The following SEPTIN10 variants were observed in gnomAD, a reference collection of about 807,000 sequenced individuals.
The protein encoded by SEPTIN10 is septin-10.
A neutral mutation model predicts 54.8 loss-of-function variants in SEPTIN10; 66 were observed. That is an observed-to-expected ratio of 1.21 (90% CI 0.99 to 1.48). The LOEUF is 1.48. Ranked by LOEUF, SEPTIN10 falls within the 40% of genes most tolerant of loss-of-function variation. The pLI is 0.00. For missense variants in SEPTIN10, 620 were observed against 545.6 expected (o/e 1.14, Z -1.36); for synonymous variants, 161 against 181.0 (o/e 0.89, Z 0.89).
intron 1 of SEPTIN10, among the ~76,000 whole-genome samples, chr2:109,606,476 C>T (rs964843986): frequency 6.6e-6 from 1 of 152,086 alleles, no homozygotes; most frequent in Non-Finnish European, 1.5e-5. Flanking sequence ...ATGGTGAATG[C>T]ACTTCAGCAT....
intron 9 of SEPTIN10, among the ~76,000 whole-genome samples, chr2:109,552,021 A>G (rs771324182): frequency 2.0e-5 from 3 of 152,202 alleles, no homozygotes; most frequent in Non-Finnish European, 4.4e-5. Context: ...GTGGCGGGCA[A>G]ACAAGCATTA....
chr2:109,568,012 G>A (rs771081406), intron 5 of SEPTIN10, 36 bp from the exon 6 acceptor site: 15 of 1,490,452 alleles, frequency 1.0e-5, no homozygotes, highest in Non-Finnish European at 1.3e-5. Flanking sequence ...TCTTACTGAG[G>A]ATTTTTTTTT....
At chr2:109,581,984 C>T (rs1184726316) in intron 4 of SEPTIN10, among the ~76,000 whole-genome samples, 2 of 151,904 alleles carry the variant, frequency 1.3e-5, no homozygotes, top group African/African-American at 4.8e-5. Flanking sequence ...TTTCAAGATG[C>T]AAAACCAATG....
At chr2:109,607,212 TAGTA>T (rs2106298128) in intron 1 of SEPTIN10, among the ~76,000 whole-genome samples, 1 of 152,330 alleles carries the variant, frequency 6.6e-6, no homozygotes, top group Non-Finnish European at 1.5e-5. Context: ...AAATTCATAT[TAGTA>T]AGCTGCTTGG....
At chr2:109,548,224 C>T (rs980609835) in intron 9 of SEPTIN10, among the ~76,000 whole-genome samples, 11 of 151,878 alleles carry the variant, frequency 7.2e-5, no homozygotes, top group Admixed American at 3.3e-4. Flanking sequence ...TAGGAATCAG[C>T]TGTGTGCTGT....
rs780587213 is a variant in SEPTIN10, at chr2:109,553,190, T to G, written c.1058A>C (p.His353Pro). The change falls in exon 9 of 11, where the codon CAT (histidine) becomes CCT (proline). Residue 353 changes from histidine to proline, a missense_variant. By Grantham distance (77) the His-to-Pro change is moderately conservative. Coordinates refer to ENST00000397712, the MANE Select transcript of SEPTIN10 (RefSeq NM_144710.5). ...CCTCTGACGTTCACCATGGAACTCATGTCTTTTGGCTTCATAGGTCTCTTG... is the reference window on the plus strand; with the variant it reads ...CCTCTGACGTTCACCATGGAACTCAGGTCTTTTGGCTTCATAGGTCTCTTG... ...SVQETYEAKRHEFHGERQRKE... is the reference protein window; with the variant it reads ...SVQETYEAKRPEFHGERQRKE... 5.0e-6 allele frequency: 8 copies of G among 1,614,074 alleles called. No individual in the cohort carries two copies. Among genetic ancestry groups the G allele is most frequent in the Non-Finnish European group, 6.8e-6 (8 of 1,180,034 alleles).
At chr2:109,583,294 T>C (rs948709149) in intron 4 of SEPTIN10, among the ~76,000 whole-genome samples, 3 of 152,132 alleles carry the variant, frequency 2.0e-5, no homozygotes, top group Admixed American at 2.0e-4. Flanking sequence ...AGCCAGAATC[T>C]GTAAGAAACT....
At chr2:109,591,413 A>G (rs979987703) in intron 2 of SEPTIN10, among the ~76,000 whole-genome samples, 1 of 152,206 alleles carries the variant, frequency 6.6e-6, no homozygotes, top group African/African-American at 2.4e-5. Context: ...ACCAAGCAAC[A>G]GCCACTGGAT....
rs186509010 is a variant in SEPTIN10 at position 109,553,053 on chromosome 2, A to G, written c.1161+34T>C. 565 of 1,594,334 alleles carry G rather than the reference A, an allele frequency of 3.5e-4. 7 individuals carry two copies. In the East Asian group the frequency reaches 8.8e-3, roughly 25 times the overall value. On this transcript the variant is annotated intron_variant, in intron 9 of 10. Transcript: ENST00000397712. ...TCCAAATTAATAGGACATCTAAAAA[A>G]TAAATGCAAATCACATCAAACCAGC...
intron 2 of SEPTIN10, among the ~76,000 whole-genome samples, chr2:109,591,850 T>C (rs183574151): frequency 5.7e-4 from 86 of 152,050 alleles, no homozygotes; most frequent in African/African-American, 1.9e-3. Context: ...TGAGCCGAGA[T>C]TGCACCACTG....
At chr2:109,554,288 T>C (rs1471268116) in intron 8 of SEPTIN10, among the ~76,000 whole-genome samples, 2 of 152,180 alleles carry the variant, frequency 1.3e-5, no homozygotes, top group East Asian at 1.9e-4. Flanking sequence ...ATAACAAATA[T>C]GGCAGGGTTA....
chr2:109,603,312 G>A (rs1459629425), intron 1 of SEPTIN10, among the ~76,000 whole-genome samples: 3 of 151,714 alleles, frequency 2.0e-5, no homozygotes, highest in Admixed American at 6.6e-5. Context: ...TCGGCTCACT[G>A]CAAGCCCCAC....
Position 109,565,733 on chromosome 2 carries a change from A to G in SEPTIN10, c.859+30T>C, listed in dbSNP as rs116719735. 1.6e-3 allele frequency: 2,469 copies of G among 1,552,314 alleles called. 32 individuals carry two copies. The African/African-American group carries it at 0.028, about 17-fold the overall frequency. On this transcript the variant is annotated intron_variant, in intron 7 of 10. Coordinates refer to ENST00000397712, the MANE Select transcript of SEPTIN10 (RefSeq NM_144710.5). Reference sequence around the variant, plus strand: ...AGCTTTGAGATTACTAGATAGATACATATTTCTAGTCATCCTTTGTCTCAT... The same window carrying G: ...AGCTTTGAGATTACTAGATAGATACGTATTTCTAGTCATCCTTTGTCTCAT...
chr2:109,606,177 G>A (rs1047408397), intron 1 of SEPTIN10, among the ~76,000 whole-genome samples: 1 of 152,178 alleles, frequency 6.6e-6, no homozygotes, highest in Non-Finnish European at 1.5e-5. Context: ...AGCACTTTGG[G>A]AGACCAAGGA....
intron 9 of SEPTIN10, among the ~76,000 whole-genome samples, chr2:109,549,670 C>T (rs186843092): frequency 4.0e-4 from 61 of 152,276 alleles, no homozygotes; most frequent in Admixed American, 3.3e-3. Flanking sequence ...CCCTTTTCCA[C>T]GGGGGATACA....
intron 5 of SEPTIN10, among the ~76,000 whole-genome samples, chr2:109,573,469 T>G (rs1395390241): frequency 6.6e-6 from 1 of 152,208 alleles, no homozygotes; most frequent in Non-Finnish European, 1.5e-5. Flanking sequence ...TCACATGTGA[T>G]CAGGTGAACA....
intron 4 of SEPTIN10, among the ~76,000 whole-genome samples, 176 bp from the exon 5 acceptor site, chr2:109,574,943 A>G (rs1221599352): frequency 1.3e-5 from 2 of 152,228 alleles, no homozygotes; most frequent in Non-Finnish European, 2.9e-5. Context: ...AAAGCTATAC[A>G]AATGCTTCTC....
At chr2:109,593,975 C>T (rs1694699178) in intron 1 of SEPTIN10, among the ~76,000 whole-genome samples, 1 of 152,154 alleles carries the variant, frequency 6.6e-6, no homozygotes, top group Admixed American at 6.6e-5. Context: ...TATTAACATT[C>T]CCACAGCCTA....
Position 109,585,279 on chromosome 2 carries a change from A to C in SEPTIN10, c.260T>G (p.Phe87Cys). ...TTCATAGTCTTCAAAATTAGTATTA[A>C]ACAATGTGTCAATCAGTGTTGATTT... is the stretch of plus-strand genomic sequence containing the variant. ...IGKSTLIDTL[F>C]NTNFEDYESS... Residue 87 changes from phenylalanine to cysteine, a missense_variant, in exon 4 of 11, where the codon TTT (phenylalanine) becomes TGT (cysteine). Transcript: ENST00000397712. 6.2e-7 allele frequency: 1 copy of C among 1,611,184 alleles called. No individual in the cohort carries two copies. The highest frequency in any genetic ancestry group is 8.5e-7 in the Non-Finnish European group (1 of 1,178,854).
Sources: allele counts gnomAD v4.1 joint callset (sites outside exome capture counted in the v4.1 genomes callset), GRCh38; gene constraint gnomAD v4.1.1; transcripts MANE v1.5; gene names NCBI Gene and HGNC (gene_info 2026-07-23, HGNC 2026-07-21).